The following ZNF317 variants were observed in gnomAD, a reference collection of about 807,000 sequenced individuals.
ZNF317 encodes zinc finger protein 317.
In ZNF317, 17 loss-of-function variants were observed where a neutral mutation model predicts 23.4. The ratio of observed to expected loss-of-function variants is 0.73; its 90% confidence interval spans 0.50 to 1.09. ZNF317 has a LOEUF of 1.09. ZNF317 is among the 50% of genes least tolerant of loss of function. The probability of loss-of-function intolerance (pLI) is 0.00; values close to 1 mark genes in which losing one functional copy is unlikely to be tolerated. For missense variants in ZNF317, 679 were observed against 796.7 expected, an observed-to-expected ratio of 0.85 and a Z score of 1.78; for synonymous variants, 317 against 314.9, an observed-to-expected ratio of 1.01 and a Z score of -0.07.
chr19:9,142,582 G>T (rs2050643517), intron 1 of ZNF317, among the ~76,000 whole-genome samples: 3 of 121,826 alleles, frequency 2.5e-5, no homozygotes, highest in Non-Finnish European at 3.3e-5. Flanking sequence ...TCTGTTTATT[G>T]ATACATTTTG....
rs1261782310 is a variant in ZNF317 at position 9,160,677 on chromosome 19, G to A, written c.1032G>A (p.Gln344=). Residue 344 remains glutamine (Q), a synonymous_variant, in exon 7 of 7, where the codon CAG becomes CAA. Coordinates refer to ENST00000247956, the MANE Select transcript of ZNF317 (RefSeq NM_020933.5). This position sits in a 1 kb window ranked among gnomAD's most constrained non-coding sequence, Gnocchi z 6.8. ...GTCACGACTGTGGGAAAGCTTTCCA[G>A]CACCCCTCCCACCTCAAAGAGCACG... The part of the protein sequence containing the change: ...YECHDCGKAF[Q]HPSHLKEHVR... The A allele has an allele frequency of 1.9e-6, 3 of 1,613,874 alleles. No individual in the cohort carries two copies. The highest frequency in any genetic ancestry group is 2.5e-6 in the Non-Finnish European group (3 of 1,180,004).
intron 1 of ZNF317, among the ~76,000 whole-genome samples, chr19:9,144,177 A>G (rs141043599): frequency 1.0e-3 from 154 of 151,412 alleles, no homozygotes; most frequent in African/African-American, 3.6e-3. Flanking sequence ...TAATTTTTTT[A>G]TTTTCAGTAG....
At chr19:9,141,337 G>C (rs935350908) in intron 1 of ZNF317, among the ~76,000 whole-genome samples, 1 of 152,132 alleles carries the variant, frequency 6.6e-6, no homozygotes, top group Non-Finnish European at 1.5e-5. Context: ...TTACAAACCA[G>C]GCCAAGAAAG....
Position 9,160,845 on chromosome 19 carries a change from C to CGATCTCGTGTCCCG in ZNF317, c.1203_1216dup (p.Arg406IlefsTer9). ...GTAAAGAATGCGGGAAATCCTTTGG[C>CGATCTCGTGTCCCG]GATCTCGTGTCCCGGAGGAAACACA... On this transcript the variant is annotated frameshift_variant, in exon 7 of 7. Coordinates refer to ENST00000247956, the MANE Select transcript of ZNF317 (RefSeq NM_020933.5). LOFTEE classifies it low-confidence loss of function (END_TRUNC). The surrounding 1 kb of genome is among the most constrained non-coding windows in gnomAD (Gnocchi z 6.8). 1 of 1,614,126 alleles carries CGATCTCGTGTCCCG rather than the reference C, an allele frequency of 6.2e-7. No homozygotes were observed.
At position 9,151,907 on chromosome 19, in the gene ZNF317, C is replaced by CTTTTTT. The variant is rs57588267; in HGVS notation, c.-92-4006_-92-4001dup. 3.1e-5 allele frequency among the ~76,000 whole-genome samples: 4 copies of CTTTTTT among 128,808 alleles called. 1 individual carries two copies. The highest frequency in any genetic ancestry group is 3.0e-5 in the African/African-American group (1 of 33,498). The allele number at this position is 128,808 out of a possible 152,430, so 84.5% of individuals were successfully genotyped here. A position where few individuals can be genotyped will look rare whatever the true frequency, so the allele number is the denominator to read the frequency against. On this transcript the variant is annotated intron_variant, in intron 1 of 6. Coordinates refer to ENST00000247956, the MANE Select transcript of ZNF317 (RefSeq NM_020933.5). ...ACCAGTGAAGCCCCTTGGTCCTGGACTTTTTTTTTTTTTTTTTGAGACGGA... is the reference window on the plus strand; with the variant it reads ...ACCAGTGAAGCCCCTTGGTCCTGGACTTTTTTTTTTTTTTTTTTTTTTTGAGACGGA...
rs781108071 is a variant in ZNF317 at position 9,162,285 on chromosome 19, C to T, written c.*852C>T. ...CCCCCACAACGAAGAGTTAGTGCCCCCAAACGTCACTGTTGCTGAGGTTGA... is the reference window on the plus strand; with the variant it reads ...CCCCCACAACGAAGAGTTAGTGCCCTCAAACGTCACTGTTGCTGAGGTTGA... On this transcript the variant is annotated 3_prime_UTR_variant, in exon 7 of 7. Coordinates refer to ENST00000247956, the MANE Select transcript of ZNF317 (RefSeq NM_020933.5). 6.6e-6 allele frequency: 1 copy of T among 152,078 alleles called. No homozygotes were observed. Among genetic ancestry groups the T allele is most frequent in the East Asian group, 1.9e-4 (1 of 5,178 alleles). The allele number at this position is 152,078 out of a possible 1,614,324, so 9.4% of individuals were successfully genotyped here.
intron 1 of ZNF317, among the ~76,000 whole-genome samples, chr19:9,141,827 G>A (rs1056272365): frequency 6.6e-6 from 1 of 151,896 alleles, no homozygotes; most frequent in Non-Finnish European, 1.5e-5. Flanking sequence ...TCCTTTTTGA[G>A]ATGGAGTCTC....
At position 9,161,608 on chromosome 19, in the gene ZNF317, T is replaced by G; in HGVS notation, c.*175T>G. 1.1e-6 allele frequency: 1 copy of G among 912,036 alleles called. No homozygotes were observed. The highest frequency in any genetic ancestry group is 1.6e-6 in the Non-Finnish European group (1 of 621,348). The allele number at this position is 912,036 out of a possible 1,614,324, so 56.5% of individuals were successfully genotyped here. On this transcript the variant is annotated 3_prime_UTR_variant, in exon 7 of 7. Transcript: ENST00000247956. This position sits in a 1 kb window ranked among gnomAD's most constrained non-coding sequence, Gnocchi z 4.0. Reference sequence around the variant, plus strand: ...GAGGCGTTCTCATCCCATAGGAGGTTTGTGAGAACTCACGCCGGGGGTGAA... The same window carrying G: ...GAGGCGTTCTCATCCCATAGGAGGTGTGTGAGAACTCACGCCGGGGGTGAA...
chr19:9,157,131 G>A, intron 3 of ZNF317, 137 bp from the exon 4 acceptor site: 6 of 1,065,774 alleles, frequency 5.6e-6, no homozygotes, highest in Non-Finnish European at 8.1e-6. Flanking sequence ...ATGCCTGGAG[G>A]AAATGTTGAG....
intron 1 of ZNF317, among the ~76,000 whole-genome samples, chr19:9,149,236 G>A (rs1218810835): frequency 6.6e-6 from 1 of 152,138 alleles, no homozygotes; most frequent in Non-Finnish European, 1.5e-5. Flanking sequence ...TTTAAAAAGT[G>A]GCCAAGGCGG....
chr19:9,152,127 C>T lies in ZNF317; in HGVS notation c.-92-3798C>T, dbSNP rs549768625. Among the ~76,000 whole-genome samples the T allele has an allele frequency of 5.9e-5, 9 of 152,166 alleles. No homozygotes were observed. In the South Asian group the frequency reaches 1.2e-3, roughly 21 times the overall value. ...TTTACCGTGTTAGCCAGGATGGTCT[C>T]GATCTCCTGACCTCCTGATCCACCC... On this transcript the variant is annotated intron_variant, in intron 1 of 6. Coordinates refer to ENST00000247956, the MANE Select transcript of ZNF317 (RefSeq NM_020933.5).
intron 1 of ZNF317, among the ~76,000 whole-genome samples, chr19:9,151,493 G>A (rs946852105): frequency 3.0e-4 from 46 of 152,002 alleles, no homozygotes; most frequent in African/African-American, 8.2e-4. Context: ...AAGTAGCAGC[G>A]TCACGGTTCT....
intron 1 of ZNF317, among the ~76,000 whole-genome samples, chr19:9,143,718 C>T (rs2050655286): frequency 6.7e-6 from 1 of 150,338 alleles, no homozygotes; most frequent in Admixed American, 6.6e-5. Context: ...GTGGCTTCAT[C>T]CATTTCTCCT....
At position 9,160,535 on chromosome 19, in the gene ZNF317, T is replaced by C; in HGVS notation, c.890T>C (p.Met297Thr). 6.2e-7 allele frequency: 1 copy of C among 1,614,160 alleles called. No individual in the cohort carries two copies. Residue 297 changes from methionine (M) to threonine (T), a missense_variant, in exon 7 of 7, where the codon ATG becomes ACG. Coordinates refer to ENST00000247956, the MANE Select transcript of ZNF317 (RefSeq NM_020933.5). This position sits in a 1 kb window ranked among gnomAD's most constrained non-coding sequence, Gnocchi z 6.8. Reference sequence around the variant, plus strand: ...ACCCTCTCGGCCCTGAAAATCCACATGCGAGTTCACACTGGCGAGAGGCCT... The same window carrying C: ...ACCCTCTCGGCCCTGAAAATCCACACGCGAGTTCACACTGGCGAGAGGCCT... ...FRTLSALKIH[M>T]RVHTGERPYK...
chr19:9,156,549 A>AT (rs2050784841), intron 2 of ZNF317, 63 bp from the exon 3 acceptor site: 1 of 1,566,278 alleles, frequency 6.4e-7, no homozygotes, highest in East Asian at 2.2e-5. Context: ...TTCCTGGTTT[A>AT]CAAGTGTTGT....
At chr19:9,145,426 C>T (rs1451827812) in intron 1 of ZNF317, among the ~76,000 whole-genome samples, 2 of 152,124 alleles carry the variant, frequency 1.3e-5, no homozygotes, top group Admixed American at 6.6e-5. Flanking sequence ...CCCAGGCTTA[C>T]TTTGTTTCTT....
chr19:9,141,965 C>A (rs2050635587), intron 1 of ZNF317, among the ~76,000 whole-genome samples: 1 of 152,062 alleles, frequency 6.6e-6, no homozygotes. Context: ...ACCACCACAC[C>A]CAGCTAAATT....
In ZNF317 at chr19:9,160,923, C is replaced by T; in HGVS notation, c.1278C>T (p.Thr426=). ...KPVECRQCGK[T]FRNQSILKTH... is the part of the protein sequence containing the mutation. ...TGGAATGTCGGCAGTGCGGGAAGAC[C>T]TTCCGAAACCAGTCCATCCTTAAGA... The change falls in exon 7 of 7, where the codon ACC becomes ACT. Residue 426 remains threonine (T), a synonymous_variant. Transcript: ENST00000247956. This position sits in a 1 kb window ranked among gnomAD's most constrained non-coding sequence, Gnocchi z 6.8. 6.2e-7 allele frequency: 1 copy of T among 1,614,194 alleles called. No individual in the cohort carries two copies. The highest frequency in any genetic ancestry group is 8.5e-7 in the Non-Finnish European group (1 of 1,180,020).
At chr19:9,149,071 C>T (rs1032949194) in intron 1 of ZNF317, among the ~76,000 whole-genome samples, 5 of 152,176 alleles carry the variant, frequency 3.3e-5, no homozygotes, top group African/African-American at 1.2e-4. Context: ...AAGGCGTAAA[C>T]TTTCCATTTT....
Sources: gnomAD v4.1 joint callset for allele counts (sites outside exome capture counted in the v4.1 genomes callset) on GRCh38, gnomAD v4.1.1 for gene constraint, Gnocchi (gnomAD v3.1) non-coding constraint, MANE v1.5 for transcripts, NCBI Gene and HGNC (gene_info 2026-07-23, HGNC 2026-07-21) for gene names.